The following SPAG16 variants were observed in gnomAD, a reference collection of about 807,000 sequenced individuals.
SPAG16 encodes the protein sperm-associated antigen 16 protein.
In SPAG16, 86 loss-of-function variants were observed where a neutral mutation model predicts 80.4. The ratio of observed to expected loss-of-function variants is 1.07; its 90% CI spans 0.90 to 1.28. The LOEUF is 1.28. Among genes scored for constraint, SPAG16 ranks in the 50% most tolerant of loss-of-function variants. The pLI is 0.00. For missense variants in SPAG16, 870 were observed against 765.3 expected, an observed-to-expected ratio of 1.14 and a Z score of -1.61; for synonymous variants, 294 against 265.9, an observed-to-expected ratio of 1.11 and a Z score of -1.03.
intron 12 of SPAG16, among the ~76,000 whole-genome samples, chr2:213,946,797 A>G (rs575400573): frequency 6.6e-6 from 1 of 152,304 alleles, no homozygotes; most frequent in Admixed American, 6.5e-5. Flanking sequence ...TAATCAGGAT[A>G]CAGATTTGTC....
intron 15 of SPAG16, among the ~76,000 whole-genome samples, chr2:214,175,334 AAT>A (rs1317485642): frequency 8.6e-6 from 1 of 116,192 alleles, no homozygotes. Context: ...TATATAAAGA[AAT>A]ATATATATAT....
intron 8 of SPAG16, among the ~76,000 whole-genome samples, chr2:213,366,759 G>T (rs183186292): frequency 6.6e-6 from 1 of 152,132 alleles, no homozygotes; most frequent in Middle Eastern, 3.4e-3. Flanking sequence ...GAATGGATAA[G>T]CAAAATGTGG....
At chr2:213,325,480 C>A (rs2063802872) in intron 5 of SPAG16, among the ~76,000 whole-genome samples, 1 of 151,948 alleles carries the variant, frequency 6.6e-6, no homozygotes. Flanking sequence ...ATCTTTAAGT[C>A]TCATTTAATT....
At chr2:214,315,285 T>C (rs1044663506) in intron 15 of SPAG16, among the ~76,000 whole-genome samples, 2 of 152,182 alleles carry the variant, frequency 1.3e-5, no homozygotes, top group African/African-American at 4.8e-5. Flanking sequence ...GTCAAATTTA[T>C]AAATACTGTT....
chr2:214,326,782 A>G (rs1696516915), intron 15 of SPAG16, among the ~76,000 whole-genome samples: 1 of 151,878 alleles, frequency 6.6e-6, no homozygotes, highest in Non-Finnish European at 1.5e-5. Context: ...TGTCTCTACT[A>G]AAAATACAAA....
rs189113869 is a variant in SPAG16, at chr2:214,307,911, T to C, written c.1721-102229T>C. On this transcript the variant is annotated intron_variant, in intron 15 of 15. Transcript: ENST00000331683. ...GTAGATATCTATCAGGTACATTTGA[T>C]CCAGTGCTGAGTTCAGTTCCTGAAT... 6.0e-4 allele frequency among the ~76,000 whole-genome samples: 91 copies of C among 152,314 alleles called. 1 individual carries two copies. The Middle Eastern group carries it at 0.01, about 17-fold the overall frequency.
chr2:213,415,664 A>G lies in SPAG16; in HGVS notation c.942+40545A>G, dbSNP rs2069211750. Among the ~76,000 whole-genome samples the G allele has an allele frequency of 3.3e-5, 5 of 152,352 alleles. No homozygotes were observed. The South Asian group carries it at 8.3e-4, about 25-fold the overall frequency. The stretch of plus-strand genomic sequence containing the variant: ...TGTTTTTGGCTGGGTTGACAGTGTT[A>G]TCATTCATTGGAATTGAAGAAAAGA... On this transcript the variant is annotated intron_variant, in intron 9 of 15. Coordinates refer to ENST00000331683, the MANE Select transcript of SPAG16 (RefSeq NM_024532.5).
intron 13 of SPAG16, among the ~76,000 whole-genome samples, chr2:214,076,810 G>A (rs1026734164): frequency 6.6e-6 from 1 of 152,132 alleles, no homozygotes; most frequent in African/African-American, 2.4e-5. Context: ...AGATCATGAG[G>A]TAGAGAGATC....
At chr2:213,808,923 G>GA (rs538528280) in intron 10 of SPAG16, among the ~76,000 whole-genome samples, 17 of 151,664 alleles carry the variant, frequency 1.1e-4, no homozygotes, top group East Asian at 9.7e-4. Context: ...CTAGAAATTG[G>GA]AAAAAAAATG....
intron 15 of SPAG16, among the ~76,000 whole-genome samples, chr2:214,291,397 C>G (rs1242359597): frequency 1.4e-5 from 2 of 141,930 alleles, no homozygotes; most frequent in Non-Finnish European, 3.0e-5. Flanking sequence ...GCTCCGCCTC[C>G]CGGGTTCACG....
intron 15 of SPAG16, among the ~76,000 whole-genome samples, chr2:214,354,574 A>G (rs1032464231): frequency 1.4e-4 from 22 of 152,246 alleles, no homozygotes; most frequent in Admixed American, 2.6e-4. Context: ...CATTGAATCT[A>G]TAAATTACCT....
At chr2:213,289,462 A>G (rs572659211) in intron 1 of SPAG16, among the ~76,000 whole-genome samples, 71 of 152,308 alleles carry the variant, frequency 4.7e-4, no homozygotes, top group African/African-American at 1.7e-3. Context: ...GCTCCCTGGT[A>G]TAGGATATTA....
At chr2:213,799,285 T>C (rs1362519804) in intron 10 of SPAG16, among the ~76,000 whole-genome samples, 1 of 152,104 alleles carries the variant, frequency 6.6e-6, no homozygotes, top group Non-Finnish European at 1.5e-5. Flanking sequence ...AATTTTTCAC[T>C]TATTTTATTA....
chr2:213,941,437 GACAC>G (rs1188590469), intron 12 of SPAG16, among the ~76,000 whole-genome samples: 1 of 151,796 alleles, frequency 6.6e-6, no homozygotes, highest in Admixed American at 6.6e-5. Flanking sequence ...TATATTAATT[GACAC>G]ACACACAAAC....
intron 10 of SPAG16, among the ~76,000 whole-genome samples, chr2:213,753,457 C>T (rs917837054): frequency 1.3e-5 from 2 of 152,120 alleles, no homozygotes; most frequent in African/African-American, 4.8e-5. Context: ...TCAGGCCAGG[C>T]CTTTTATAAA....
intron 15 of SPAG16, among the ~76,000 whole-genome samples, chr2:214,324,130 G>A (rs958567880): frequency 6.6e-6 from 1 of 152,128 alleles, no homozygotes; most frequent in African/African-American, 2.4e-5. Flanking sequence ...TTTGCCTCTA[G>A]AATCAGTGAG....
intron 15 of SPAG16, among the ~76,000 whole-genome samples, chr2:214,337,492 C>G (rs1455710351): frequency 6.6e-6 from 1 of 152,212 alleles, no homozygotes; most frequent in Admixed American, 6.5e-5. Context: ...TAATGGCAGT[C>G]ATATCCATTT....
intron 5 of SPAG16, among the ~76,000 whole-genome samples, chr2:213,322,334 C>CAAAAG (rs2063653761): frequency 4.2e-5 from 1 of 23,684 alleles, no homozygotes; most frequent in African/African-American, 1.5e-4. Context: ...GTAGACAATG[C>CAAAAG]AAAAAAAAAA....
chr2:214,094,728 T>C (rs1362784553), intron 13 of SPAG16, among the ~76,000 whole-genome samples: 3 of 152,074 alleles, frequency 2.0e-5, no homozygotes, highest in African/African-American at 7.2e-5. Context: ...TTTTCCTCCT[T>C]TTAGAACAGG....
Sources: gnomAD v4.1 joint callset for allele counts (sites outside exome capture counted in the v4.1 genomes callset) on GRCh38, gnomAD v4.1.1 for gene constraint, MANE v1.5 for transcripts, NCBI Gene and HGNC (gene_info 2026-07-23, HGNC 2026-07-21) for gene names.